The following SSBP2 variants were observed in gnomAD, a reference collection of about 807,000 sequenced individuals.
SSBP2 encodes single-stranded DNA-binding protein 2.
In SSBP2, 17 loss-of-function variants were observed where a neutral mutation model predicts 61.8. That is an observed-to-expected ratio of 0.28 (90% confidence interval 0.19 to 0.41). The LOEUF is 0.41. Ranked by LOEUF, SSBP2 falls within the 10% of genes least tolerant of loss-of-function variation. The pLI, the probability that SSBP2 is intolerant of heterozygous loss-of-function variation, is 1.00. For missense variants in SSBP2, 310 were observed against 458.7 expected (o/e 0.68, Z 2.96); for synonymous variants, 139 against 141.3 (o/e 0.98, Z 0.12).
chr5:81,565,118 T>A (rs921794862), intron 4 of SSBP2, among the ~76,000 whole-genome samples: 2 of 152,240 alleles, frequency 1.3e-5, no homozygotes, highest in Non-Finnish European at 2.9e-5. Context: ...TAATTCGTTA[T>A]AATAAAAGCA....
chr5:81,479,103 T>G lies in SSBP2; in HGVS notation c.433-4541A>C, dbSNP rs538154845. Among the ~76,000 whole-genome samples, 48 of 152,208 alleles carry G rather than the reference T, an allele frequency of 3.2e-4. 1 individual carries two copies. The highest frequency in any genetic ancestry group is 5.7e-4 in the Non-Finnish European group (39 of 68,034). On this transcript the variant is annotated intron_variant, in intron 6 of 16. Transcript: ENST00000320672. The stretch of plus-strand genomic sequence containing the variant: ...GTCAAGTCTCTAACTTTTAAAACAT[T>G]TTTATCAGCCTTGGGATGACCAGAT...
chr5:81,637,017 T>C (rs1043678343), intron 2 of SSBP2, among the ~76,000 whole-genome samples: 3 of 152,082 alleles, frequency 2.0e-5, no homozygotes, highest in African/African-American at 7.2e-5. Context: ...AGAGGGGAAA[T>C]GGATTTGTTT....
intron 8 of SSBP2, among the ~76,000 whole-genome samples, chr5:81,468,130 T>A (rs184690504): frequency 6.6e-6 from 1 of 152,166 alleles, no homozygotes; most frequent in African/African-American, 2.4e-5. Flanking sequence ...TTTGTACTGC[T>A]TTCCTCGTCA....
intron 4 of SSBP2, among the ~76,000 whole-genome samples, chr5:81,549,584 C>G (rs1007297863): frequency 1.3e-5 from 2 of 152,114 alleles, no homozygotes; most frequent in East Asian, 1.9e-4. Flanking sequence ...TTGGAAAGAA[C>G]AGTGTACCTC....
At chr5:81,726,814 A>G (rs1169246737) in intron 1 of SSBP2, among the ~76,000 whole-genome samples, 1 of 152,112 alleles carries the variant, frequency 6.6e-6, no homozygotes, top group African/African-American at 2.4e-5. Context: ...TATCCCATTC[A>G]TCCTACACGG....
chr5:81,614,812 T>C (rs1456813310), intron 4 of SSBP2, among the ~76,000 whole-genome samples: 2 of 152,196 alleles, frequency 1.3e-5, no homozygotes, highest in Non-Finnish European at 1.5e-5. Flanking sequence ...ACTGTTTTTT[T>C]TCTTTTCACA....
At chr5:81,733,433 A>G (rs565494318) in intron 1 of SSBP2, among the ~76,000 whole-genome samples, 3 of 149,682 alleles carry the variant, frequency 2.0e-5, no homozygotes, top group East Asian at 3.9e-4. Context: ...CAACAGCTAG[A>G]AAAAAAAAAG....
chr5:81,460,564 G>C (rs1157377371), intron 10 of SSBP2, among the ~76,000 whole-genome samples: 1 of 152,138 alleles, frequency 6.6e-6, no homozygotes, highest in Non-Finnish European at 1.5e-5. Flanking sequence ...GATGTACAAG[G>C]ATGGCAATTT....
intron 3 of SSBP2, among the ~76,000 whole-genome samples, chr5:81,629,316 C>G (rs1747474177): frequency 1.3e-5 from 2 of 152,210 alleles, no homozygotes; most frequent in African/African-American, 4.8e-5. Context: ...TTGATGCCAA[C>G]TGAGTGTCTA....
At chr5:81,579,475 G>A (rs112825213) in intron 4 of SSBP2, among the ~76,000 whole-genome samples, 1 of 152,024 alleles carries the variant, frequency 6.6e-6, no homozygotes, top group African/African-American at 2.4e-5. Context: ...TCTAAGAAGA[G>A]TTCATTAACA....
chr5:81,586,548 C>A (rs1049116675), intron 4 of SSBP2, among the ~76,000 whole-genome samples: 1 of 148,798 alleles, frequency 6.7e-6, no homozygotes, highest in Non-Finnish European at 1.5e-5. Flanking sequence ...CATGAGGAAA[C>A]ATTCCAGTTC....
intron 4 of SSBP2, among the ~76,000 whole-genome samples, chr5:81,604,221 T>C (rs1312262226): frequency 1.3e-5 from 2 of 151,876 alleles, no homozygotes; most frequent in African/African-American, 4.8e-5. Context: ...CTGGCATAGC[T>C]ACAGTGATGG....
chr5:81,482,188 T>C (rs1401781580), intron 6 of SSBP2, among the ~76,000 whole-genome samples: 1 of 152,086 alleles, frequency 6.6e-6, no homozygotes, highest in Non-Finnish European at 1.5e-5. Context: ...AAGTTATCCA[T>C]GTGCCTCAGC....
At chr5:81,558,964 A>C (rs1772814791) in intron 4 of SSBP2, among the ~76,000 whole-genome samples, 1 of 152,224 alleles carries the variant, frequency 6.6e-6, no homozygotes. Flanking sequence ...GTTTTTAAAA[A>C]TTATTTATAG....
At chr5:81,555,640 A>G (rs1041010940) in intron 4 of SSBP2, among the ~76,000 whole-genome samples, 8 of 152,040 alleles carry the variant, frequency 5.3e-5, no homozygotes, top group African/African-American at 1.9e-4. Flanking sequence ...ACACAATAAT[A>G]TATGTTCATT....
chr5:81,651,503 A>C (rs1174760039), intron 1 of SSBP2, among the ~76,000 whole-genome samples: 3 of 152,204 alleles, frequency 2.0e-5, no homozygotes, highest in African/African-American at 7.2e-5. Context: ...AAACACCTTG[A>C]GAGAGTAGAC....
In SSBP2 at chr5:81,632,712, C is replaced by G. The variant is rs551503954; in HGVS notation, c.197+3845G>C. ...TGTATCTTCAGACTCTGCCCCTCTA[C>G]TGTCTCCTTCTCTTAAACACTAAAC... On this transcript the variant is annotated intron_variant, in intron 3 of 16. Coordinates refer to ENST00000320672, the MANE Select transcript of SSBP2 (RefSeq NM_012446.5). 2.0e-5 allele frequency among the ~76,000 whole-genome samples: 3 copies of G among 152,274 alleles called. No individual in the cohort carries two copies. In the South Asian group the frequency reaches 6.2e-4, roughly 32 times the overall value.
At chr5:81,600,296 C>G (rs1744223402) in intron 4 of SSBP2, among the ~76,000 whole-genome samples, 1 of 152,074 alleles carries the variant, frequency 6.6e-6, no homozygotes, top group Non-Finnish European at 1.5e-5. Flanking sequence ...GGTGTGGTAG[C>G]TCACGCCTGT....
intron 2 of SSBP2, among the ~76,000 whole-genome samples, chr5:81,646,742 T>C (rs1749311291): frequency 6.7e-6 from 1 of 149,936 alleles, no homozygotes. Flanking sequence ...GGCTCCCTTT[T>C]TCCAAAGATA....
Sources: allele counts gnomAD v4.1 joint callset (sites outside exome capture counted in the v4.1 genomes callset), GRCh38; gene constraint gnomAD v4.1.1; transcripts MANE v1.5; gene names NCBI Gene and HGNC (gene_info 2026-07-23, HGNC 2026-07-21).